Variants in SYT1 observed in about 807,000 individuals in gnomAD.
The protein encoded by SYT1 is synaptotagmin 1, also known as synaptotagmin-1.
A neutral mutation model predicts 44.8 loss-of-function variants in SYT1; 8 were observed. The observed-to-expected ratio is 0.18, with a 90% CI of 0.10 to 0.32. SYT1 has a LOEUF of 0.32. SYT1 is among the 10% of genes least tolerant of loss of function. The probability of loss-of-function intolerance (pLI) is 1.00; values close to 1 mark genes in which losing one functional copy is unlikely to be tolerated. For missense variants in SYT1, 286 were observed against 509.3 expected, an observed-to-expected ratio of 0.56 and a Z score of 4.22; for synonymous variants, 154 against 188.8, an observed-to-expected ratio of 0.82 and a Z score of 1.51.
chr12:79,274,810 A>G (rs1287220871), intron 4 of SYT1, among the ~76,000 whole-genome samples: 2 of 152,218 alleles, frequency 1.3e-5, no homozygotes, highest in Non-Finnish European at 2.9e-5. Context: ...CTGACACAAC[A>G]TAGTACTCAT....
intron 5 of SYT1, among the ~76,000 whole-genome samples, chr12:79,289,892 T>G (rs1359526216): frequency 3.9e-5 from 2 of 50,992 alleles, no homozygotes; most frequent in Non-Finnish European, 5.9e-5. Flanking sequence ...ACTCAGTAGT[T>G]TTTTTTTTTT....
intron 1 of SYT1, among the ~76,000 whole-genome samples, chr12:78,885,643 C>T (rs1048017696): frequency 1.3e-5 from 2 of 151,930 alleles, no homozygotes; most frequent in African/African-American, 2.4e-5. Context: ...AAGGCGTCCA[C>T]GTGGGCCAGG....
At chr12:79,238,603 G>A (rs111918098) in intron 4 of SYT1, among the ~76,000 whole-genome samples, 7 of 152,304 alleles carry the variant, frequency 4.6e-5, no homozygotes, top group African/African-American at 1.7e-4. Context: ...TTAACAAGAT[G>A]CAGGGCAATT....
intron 8 of SYT1, among the ~76,000 whole-genome samples, chr12:79,350,246 C>CTTTTTTTTTT (rs1166413638): frequency 3.1e-5 from 3 of 97,564 alleles, no homozygotes; most frequent in African/African-American, 1.3e-4. Flanking sequence ...GATGCATATT[C>CTTTTTTTTTT]TTTTTTTTTT....
At chr12:79,271,189 C>G (rs1878403436) in intron 4 of SYT1, among the ~76,000 whole-genome samples, 1 of 152,072 alleles carries the variant, frequency 6.6e-6, no homozygotes, top group South Asian at 2.1e-4. Context: ...TTTCACAATG[C>G]TCAATTAAAG....
intron 1 of SYT1, among the ~76,000 whole-genome samples, chr12:78,899,238 A>C (rs1764849098): frequency 1.3e-5 from 2 of 152,168 alleles, no homozygotes; most frequent in South Asian, 2.1e-4. Context: ...TTTTTAGTGT[A>C]GGGAACTTTG....
rs7958781 is a variant in SYT1, at chr12:79,295,554, T to C, written c.475-515T>C. On this transcript the variant is annotated intron_variant, in intron 6 of 10. Transcript: ENST00000261205. Reference sequence around the variant, plus strand: ...AGTCTGCACACCAGTGAAGGTCAAATATAATAGAAACTAGAAGATCTTATT... The same window carrying C: ...AGTCTGCACACCAGTGAAGGTCAAACATAATAGAAACTAGAAGATCTTATT... Among the ~76,000 whole-genome samples the C allele has an allele frequency of 7.8e-3, 1,182 of 152,280 alleles. 11 individuals carry two copies. The highest frequency in any genetic ancestry group is 0.025 in the African/African-American group (1,056 of 41,562).
At chr12:78,973,668 A>G (rs1396208575) in intron 1 of SYT1, among the ~76,000 whole-genome samples, 1 of 151,942 alleles carries the variant, frequency 6.6e-6, no homozygotes, top group Non-Finnish European at 1.5e-5. Context: ...CCAACTTACT[A>G]CACAGGTTGA....
intron 2 of SYT1, among the ~76,000 whole-genome samples, chr12:79,021,813 T>C (rs1355471002): frequency 6.6e-6 from 1 of 151,858 alleles, no homozygotes; most frequent in East Asian, 1.9e-4. Flanking sequence ...TTTCAAAGAA[T>C]TGAATTCTAA....
chr12:79,424,179 C>T (rs143871824), intron 9 of SYT1, among the ~76,000 whole-genome samples: 306 of 152,058 alleles, frequency 2.0e-3, no homozygotes, highest in African/African-American at 6.2e-3. Context: ...TGCAATTTCC[C>T]CCATCTAGAA....
At chr12:79,176,348 T>C (rs1871867333) in intron 3 of SYT1, among the ~76,000 whole-genome samples, 1 of 151,318 alleles carries the variant, frequency 6.6e-6, no homozygotes, top group African/African-American at 2.4e-5. Context: ...ATGTAAATGA[T>C]GGCAGTGTCT....
intron 9 of SYT1, among the ~76,000 whole-genome samples, chr12:79,403,349 A>G (rs567310343): frequency 2.8e-4 from 43 of 152,240 alleles, no homozygotes; most frequent in African/African-American, 9.4e-4. Context: ...GGCAAGTCCA[A>G]AATTTGCAGA....
intron 9 of SYT1, among the ~76,000 whole-genome samples, chr12:79,437,313 A>G (rs1418300348): frequency 2.6e-5 from 4 of 152,190 alleles, no homozygotes; most frequent in African/African-American, 7.2e-5. Context: ...AGAGAATTGG[A>G]TTTCTGATCT....
chr12:79,419,278 A>T, intron 9 of SYT1: 1 of 526,162 alleles, frequency 1.9e-6, no homozygotes, highest in Non-Finnish European at 3.9e-6. Context: ...AATTGAATTC[A>T]TTTAGAAAAG....
intron 1 of SYT1, among the ~76,000 whole-genome samples, chr12:78,875,805 C>A (rs1487870020): frequency 6.6e-6 from 1 of 151,552 alleles, no homozygotes; most frequent in East Asian, 1.9e-4. Flanking sequence ...AAAATGTATT[C>A]TCAGATGTCT....
chr12:79,296,552 A>C (rs1879883608), intron 7 of SYT1, among the ~76,000 whole-genome samples: 1 of 152,120 alleles, frequency 6.6e-6, no homozygotes, highest in South Asian at 2.1e-4. Flanking sequence ...ATTTTTCTGA[A>C]TTTCAAAGTT....
intron 8 of SYT1, among the ~76,000 whole-genome samples, chr12:79,331,760 T>C (rs1881865792): frequency 6.6e-6 from 1 of 152,052 alleles, no homozygotes; most frequent in Non-Finnish European, 1.5e-5. Context: ...AAAATAACTT[T>C]TTAAGAATGT....
chr12:78,895,231 T>C (rs1875291825), intron 1 of SYT1, among the ~76,000 whole-genome samples: 1 of 150,522 alleles, frequency 6.6e-6, no homozygotes, highest in African/African-American at 2.5e-5. Flanking sequence ...GAATACAAAA[T>C]GAGCAAAGAT....
At chr12:79,278,716 G>A (rs1878877617) in intron 4 of SYT1, among the ~76,000 whole-genome samples, 1 of 151,892 alleles carries the variant, frequency 6.6e-6, no homozygotes, top group Non-Finnish European at 1.5e-5. Flanking sequence ...GAAACAAAAA[G>A]TTGGTTATTT....
Sources: gnomAD v4.1 joint callset for allele counts (sites outside exome capture counted in the v4.1 genomes callset) on GRCh38, gnomAD v4.1.1 for gene constraint, MANE v1.5 for transcripts, NCBI Gene and HGNC (gene_info 2026-07-23, HGNC 2026-07-21) for gene names.